The following DMD variants were observed in gnomAD, a reference collection of about 807,000 sequenced individuals.
The protein encoded by DMD is mutant dystrophin.
Under a neutral mutation model 330.1 loss-of-function variants are expected in DMD, and 63 were observed. The ratio of observed to expected loss-of-function variants is 0.19; its 90% confidence interval spans 0.16 to 0.24. DMD has a LOEUF of 0.24. Among genes scored for constraint, DMD ranks in the 10% least tolerant of loss-of-function variants. The probability of loss-of-function intolerance (pLI) is 1.00; values close to 1 mark genes in which losing one functional copy is unlikely to be tolerated. For synonymous variants in DMD, 1,223 were observed against 959.8 expected (o/e 1.27, Z -5.07); for missense variants, 3,344 against 2,684.1 (o/e 1.25, Z -5.43).
intron 44 of DMD, among the ~76,000 whole-genome samples, chrX:32,005,796 A>G (rs1329080291): frequency 9.0e-6 from 1 of 111,709 alleles, no homozygotes; most frequent in East Asian, 2.8e-4. Context: ...TTATTGTCAA[A>G]CTTGATGACT....
At chrX:33,133,055 T>C (rs2095508067) in intron 1 of DMD, among the ~76,000 whole-genome samples, 1 of 111,857 alleles carries the variant, frequency 8.9e-6, no homozygotes, top group African/African-American at 3.3e-5. Context: ...CATAATGTTG[T>C]TGAAGATGGG....
At chrX:32,158,013 C>T (rs1252720766) in intron 44 of DMD, among the ~76,000 whole-genome samples, 5 of 111,903 alleles carry the variant, frequency 4.5e-5, no homozygotes, top group African/African-American at 9.8e-5. Flanking sequence ...CATATTTGTC[C>T]CTCTGGGATT....
At chrX:31,346,093 G>A (rs969962955) in intron 61 of DMD, among the ~76,000 whole-genome samples, 8 of 110,938 alleles carry the variant, frequency 7.2e-5, no homozygotes, top group Non-Finnish European at 1.5e-4. Flanking sequence ...GGCAATGAAA[G>A]AATATGGCAG....
At chrX:32,716,150 ATTGT>A (rs752961437) in intron 7 of DMD, among the ~76,000 whole-genome samples, 80 of 111,463 alleles carry the variant, frequency 7.2e-4, no homozygotes, top group Non-Finnish European at 1.1e-3. Flanking sequence ...TGTCGTATTT[ATTGT>A]TTGAGTCATT....
chrX:31,209,878 T>A (rs906688338), intron 64 of DMD, among the ~76,000 whole-genome samples, 179 bp from the exon 65 acceptor site: 14 of 111,709 alleles, frequency 1.3e-4, no homozygotes, highest in African/African-American at 3.9e-4. Context: ...GTTGATGAGT[T>A]TGATCAGTAT....
intron 25 of DMD, among the ~76,000 whole-genome samples, chrX:32,457,993 T>C: frequency 9.0e-6 from 1 of 111,362 alleles, no homozygotes; most frequent in East Asian, 2.8e-4. Context: ...AACAAACATG[T>C]ACAGTGATTA....
chrX:31,529,970 A>T (rs2073595745), intron 55 of DMD, among the ~76,000 whole-genome samples: 1 of 111,176 alleles, frequency 9.0e-6, no homozygotes, highest in African/African-American at 3.3e-5. Flanking sequence ...TATCCCTCTT[A>T]GCAAATGACG....
At chrX:31,457,676 A>C (rs1281579756) in intron 59 of DMD, among the ~76,000 whole-genome samples, 1 of 112,111 alleles carries the variant, frequency 8.9e-6, no homozygotes, top group East Asian at 2.8e-4. Flanking sequence ...AATAATGATT[A>C]ATAGAGGAAT....
In DMD at chrX:33,301,546, G is replaced by A. The variant is rs766902064; in HGVS notation, c.7+37713C>T. 1.6e-4 allele frequency among the ~76,000 whole-genome samples: 18 copies of A among 111,430 alleles called. 1 individual carries two copies. The South Asian group carries it at 1.9e-3, about 12-fold the overall frequency. On this transcript the variant is annotated intron_variant, in intron 1 of 17. Transcript: ENST00000288447. ...AATATTTGTGTCTTAGTCCACTGGC[G>A]CCATTATAACAAAATATCTGAGACA... is the stretch of plus-strand genomic sequence containing the variant.
At chrX:32,214,836 A>G (rs1322146284) in intron 44 of DMD, among the ~76,000 whole-genome samples, 1 of 112,172 alleles carries the variant, frequency 8.9e-6, no homozygotes, top group East Asian at 2.8e-4. Context: ...TAAAATTCAC[A>G]ATGTCTGGCA....
chrX:33,272,718 G>C (rs2053178791), intron 1 of DMD, among the ~76,000 whole-genome samples: 1 of 109,647 alleles, frequency 9.1e-6, no homozygotes, highest in East Asian at 2.9e-4. Flanking sequence ...GTAATTAGAG[G>C]TGGAGCTGTT....
At chrX:32,962,204 T>C (rs113302909) in intron 2 of DMD, among the ~76,000 whole-genome samples, 3,198 of 111,726 alleles carry the variant, frequency 0.029, 114 homozygotes, top group African/African-American at 0.099. Context: ...ACTTGCACCA[T>C]TGCAGCTAGT....
At position 33,015,107 on chromosome X, in the gene DMD, T is replaced by C. The variant is rs180959145; in HGVS notation, c.93+5032A>G. ...TAAACCATTGTGGAAGTCAGTGTAG[T>C]GATTCCTCAAAGAGCTAAAAACAGA... On this transcript the variant is annotated intron_variant, in intron 2 of 78. Coordinates refer to ENST00000357033, the MANE Select transcript of DMD (RefSeq NM_004006.3). Among the ~76,000 whole-genome samples the C allele has an allele frequency of 2.2e-3, 250 of 111,576 alleles. 1 individual carries two copies. The highest frequency in any genetic ancestry group is 7.7e-3 in the African/African-American group (238 of 30,747).
intron 55 of DMD, among the ~76,000 whole-genome samples, chrX:31,548,206 A>G (rs567773437): frequency 5.7e-4 from 64 of 112,054 alleles, no homozygotes; most frequent in African/African-American, 2.0e-3. Context: ...AATGGTTCAT[A>G]GGTTGCCAGC....
intron 21 of DMD, among the ~76,000 whole-genome samples, chrX:32,482,664 T>C (rs1338035946): frequency 1.8e-5 from 2 of 111,833 alleles, no homozygotes; most frequent in Non-Finnish European, 3.8e-5. Flanking sequence ...CTTTTAGTTA[T>C]TCAAACCCCA....
Position 32,644,164 on chromosome X carries a change from G to A in DMD, c.1299C>T (p.Cys433=), listed in dbSNP as rs372135475. Residue 433 remains cysteine, a synonymous_variant, in exon 11 of 79, where the codon TGC becomes TGT. Transcript: ENST00000357033. ...QMNLLNSRWE[C]LRVASMEKQS... ...GTTTTTCCATGCTAGCTACCCTGAGGCATTCCCATCTTGAATTTAGGAGAT... is the reference window on the plus strand; with the variant it reads ...GTTTTTCCATGCTAGCTACCCTGAGACATTCCCATCTTGAATTTAGGAGAT... 6 of 1,207,433 alleles carry A rather than the reference G, an allele frequency of 5.0e-6. No individual in the cohort carries two copies. In the African/African-American group the frequency reaches 5.3e-5, roughly 11 times the overall value.
intron 59 of DMD, among the ~76,000 whole-genome samples, chrX:31,467,236 T>C (rs1301315074): frequency 9.0e-6 from 1 of 111,569 alleles, no homozygotes; most frequent in Non-Finnish European, 1.9e-5. Context: ...CATCCTTGTC[T>C]TGTGCCGGTT....
chrX:31,728,994 C>T (rs973106240), intron 52 of DMD, among the ~76,000 whole-genome samples: 7 of 111,056 alleles, frequency 6.3e-5, no homozygotes, highest in African/African-American at 2.3e-4. Flanking sequence ...CTTCCTGACC[C>T]CATGGAAACT....
At chrX:31,302,774 G>A (rs1362450573) in intron 62 of DMD, among the ~76,000 whole-genome samples, 2 of 110,931 alleles carry the variant, frequency 1.8e-5, no homozygotes, top group Admixed American at 9.6e-5. Flanking sequence ...TGCTGATCAA[G>A]CATAAAGAAC....
Sources: gnomAD v4.1 joint callset for allele counts (sites outside exome capture counted in the v4.1 genomes callset) on GRCh38, gnomAD v4.1.1 for gene constraint, MANE v1.5 for transcripts, NCBI Gene and HGNC (gene_info 2026-07-23, HGNC 2026-07-21) for gene names.